The following PTPRT variants were observed in gnomAD, a reference collection of about 807,000 sequenced individuals.
The protein encoded by PTPRT is receptor-type tyrosine-protein phosphatase T.
Under a neutral mutation model 176.8 loss-of-function variants are expected in PTPRT, and 56 were observed. The ratio of observed to expected loss-of-function variants is 0.32; its 90% CI spans 0.26 to 0.40. The LOEUF (loss-of-function observed/expected upper bound fraction) is 0.40, where lower values mean the gene tolerates loss of function less well. Among genes scored for constraint, PTPRT ranks in the 10% least tolerant of loss-of-function variants. The pLI, the probability that PTPRT is intolerant of heterozygous loss-of-function variation, is 1.00. For synonymous variants in PTPRT, 783 were observed against 739.0 expected (o/e 1.06, Z -0.96); for missense variants, 1,540 against 1,908.2 (o/e 0.81, Z 3.60).
intron 21 of PTPRT, among the ~76,000 whole-genome samples, chr20:42,117,024 G>A (rs1380911189): frequency 1.3e-5 from 2 of 152,136 alleles, no homozygotes; most frequent in Non-Finnish European, 2.9e-5. Flanking sequence ...CACAAGCACT[G>A]GAATCAGAGT....
At chr20:42,960,041 C>G (rs1352971534) in intron 1 of PTPRT, among the ~76,000 whole-genome samples, 1 of 152,158 alleles carries the variant, frequency 6.6e-6, no homozygotes, top group South Asian at 2.1e-4. Flanking sequence ...CATCTACTCA[C>G]GGAGTGTCTG....
chr20:42,812,354 A>G (rs568454183), intron 2 of PTPRT, among the ~76,000 whole-genome samples: 1 of 152,276 alleles, frequency 6.6e-6, no homozygotes, highest in South Asian at 2.1e-4. Context: ...TCATCACCCC[A>G]AAGAGAAATT....
chr20:42,605,044 C>T lies in PTPRT; in HGVS notation c.1153+72822G>A, dbSNP rs868036359. ...AGGAAAAGCATCTCAGAGTCTCTGTCGGTTGGAGAGGGCAGAGATGAAAGT... is the reference window on the plus strand; with the variant it reads ...AGGAAAAGCATCTCAGAGTCTCTGTTGGTTGGAGAGGGCAGAGATGAAAGT... On this transcript the variant is annotated intron_variant, in intron 7 of 30. Coordinates refer to ENST00000373187, the MANE Select transcript of PTPRT (RefSeq NM_007050.6). Among the ~76,000 whole-genome samples the T allele has an allele frequency of 5.9e-5, 9 of 152,132 alleles. No individual in the cohort carries two copies. The South Asian group carries it at 1.0e-3, about 18-fold the overall frequency.
intron 16 of PTPRT, among the ~76,000 whole-genome samples, chr20:42,186,891 A>C (rs1990804064): frequency 6.6e-6 from 1 of 152,124 alleles, no homozygotes; most frequent in African/African-American, 2.4e-5. Flanking sequence ...ACTCATCAAA[A>C]CTTGGTGTTG....
At chr20:42,933,466 T>C (rs551516913) in intron 1 of PTPRT, among the ~76,000 whole-genome samples, 1 of 152,296 alleles carries the variant, frequency 6.6e-6, no homozygotes, top group Admixed American at 6.5e-5. Flanking sequence ...TCTAACTATG[T>C]TTTTCCAGTC....
At chr20:42,464,760 T>G (rs1052981776) in intron 8 of PTPRT, among the ~76,000 whole-genome samples, 2 of 152,202 alleles carry the variant, frequency 1.3e-5, no homozygotes, top group African/African-American at 4.8e-5. Flanking sequence ...ATTGCCTTGT[T>G]GTTATTGCTT....
intron 4 of PTPRT, among the ~76,000 whole-genome samples, chr20:42,775,439 C>T (rs560815182): frequency 1.2e-4 from 18 of 152,202 alleles, no homozygotes; most frequent in Admixed American, 6.5e-4. Context: ...AACTTTGAAA[C>T]GGAGTGGAAA....
chr20:42,762,364 A>G (rs2076927003), intron 5 of PTPRT, among the ~76,000 whole-genome samples: 1 of 152,198 alleles, frequency 6.6e-6, no homozygotes, highest in South Asian at 2.1e-4. Context: ...GGTGATGCTA[A>G]ATTCTGCTGA....
At chr20:42,809,060 G>A (rs2077656885) in intron 2 of PTPRT, among the ~76,000 whole-genome samples, 1 of 152,202 alleles carries the variant, frequency 6.6e-6, no homozygotes, top group Non-Finnish European at 1.5e-5. Context: ...AGAGCACTTA[G>A]GGAGCTGTGC....
Position 42,080,777 on chromosome 20 carries a change from G to C in PTPRT, c.*102C>G. ...CAGTCTTCTCCTTGGAGTCAGGCAGGGTGCCACCTCAGAGCTCCTGAGCCC... is the reference window on the plus strand; with the variant it reads ...CAGTCTTCTCCTTGGAGTCAGGCAGCGTGCCACCTCAGAGCTCCTGAGCCC... On this transcript the variant is annotated 3_prime_UTR_variant, in exon 31 of 31. Transcript: ENST00000373187. 1 of 1,189,410 alleles carries C rather than the reference G, an allele frequency of 8.4e-7. No individual in the cohort carries two copies. Among genetic ancestry groups the C allele is most frequent in the Non-Finnish European group, 1.2e-6 (1 of 809,310 alleles). 73.7% of individuals were successfully genotyped at this position (1,189,410 alleles called of 1,614,324 possible). A position where few individuals can be genotyped will look rare whatever the true frequency, so the allele number is the denominator to read the frequency against.
intron 1 of PTPRT, among the ~76,000 whole-genome samples, chr20:43,151,374 T>A (rs1406523248): frequency 2.7e-4 from 21 of 78,690 alleles, no homozygotes; most frequent in South Asian, 7.0e-4. Flanking sequence ...AAGCTTCTAA[T>A]AAAGAGAGTT....
intron 26 of PTPRT, among the ~76,000 whole-genome samples, chr20:42,099,235 G>T (rs909775): frequency 0.41 from 62,907 of 151,590 alleles, 14,265 homozygotes; most frequent in African/African-American, 0.61. Flanking sequence ...TTTTGGCGGG[G>T]TGGGTGCTAA....
At chr20:42,701,171 T>G (rs1393869824) in intron 6 of PTPRT, among the ~76,000 whole-genome samples, 1 of 152,094 alleles carries the variant, frequency 6.6e-6, no homozygotes. Context: ...ATAATCAAAT[T>G]TATCACACTG....
chr20:42,682,739 C>T (rs917014301), intron 6 of PTPRT, among the ~76,000 whole-genome samples: 1 of 152,166 alleles, frequency 6.6e-6, no homozygotes, highest in Admixed American at 6.5e-5. Flanking sequence ...TGGGCAGCAG[C>T]GGCCCTGAGC....
chr20:42,640,420 G>A (rs1041316328), intron 7 of PTPRT, among the ~76,000 whole-genome samples: 1 of 151,932 alleles, frequency 6.6e-6, no homozygotes, highest in African/African-American at 2.4e-5. Flanking sequence ...TTTTGAGACA[G>A]TGTCTTGCTT....
intron 16 of PTPRT, among the ~76,000 whole-genome samples, chr20:42,180,250 AC>A (rs933163768): frequency 6.6e-6 from 1 of 152,116 alleles, no homozygotes; most frequent in Non-Finnish European, 1.5e-5. Flanking sequence ...GTTTTGACTG[AC>A]CTTTACAGCT....
intron 1 of PTPRT, among the ~76,000 whole-genome samples, chr20:43,056,199 C>T (rs1987226340): frequency 6.6e-6 from 1 of 152,112 alleles, no homozygotes; most frequent in Non-Finnish European, 1.5e-5. Context: ...GCAGAGACAA[C>T]CATCCACCAA....
intron 11 of PTPRT, among the ~76,000 whole-genome samples, chr20:42,325,553 T>C (rs1276598926): frequency 6.6e-6 from 1 of 152,196 alleles, no homozygotes; most frequent in African/African-American, 2.4e-5. Flanking sequence ...ATACTGTATA[T>C]TGAGAATCTG....
chr20:42,384,154 C>A (rs1486214154), intron 9 of PTPRT, among the ~76,000 whole-genome samples: 2 of 152,172 alleles, frequency 1.3e-5, no homozygotes, highest in South Asian at 2.1e-4. Context: ...TGCATATGGA[C>A]CATGCACTAG....
Sources: allele counts gnomAD v4.1 joint callset (sites outside exome capture counted in the v4.1 genomes callset), GRCh38; gene constraint gnomAD v4.1.1; transcripts MANE v1.5; gene names NCBI Gene and HGNC (gene_info 2026-07-23, HGNC 2026-07-21).